NBAS: variants seen among roughly 807,000 people sequenced by gnomAD.
The protein encoded by NBAS is NAG/BC035112 fusion.
Under a neutral mutation model 302.5 loss-of-function variants are expected in NBAS, and 219 were observed. The ratio of observed to expected loss-of-function variants is 0.72; its 90% CI spans 0.65 to 0.81. NBAS has a LOEUF of 0.81. Among genes scored for constraint, NBAS ranks in the 30% least tolerant of loss-of-function variants. The pLI is 0.00. For missense variants in NBAS, 2,932 were observed against 2,841.6 expected, an observed-to-expected ratio of 1.03 and a Z score of -0.72; for synonymous variants, 1,118 against 1,021.6, an observed-to-expected ratio of 1.09 and a Z score of -1.80.
chr2:14,886,224 C>G, the NBAS span, among the ~76,000 whole-genome samples: 2 of 152,282 alleles, frequency 1.3e-5, no homozygotes, highest in Middle Eastern at 3.4e-3. Context: ...TCTTTCTGTC[C>G]TTGCCATCCC....
At chr2:15,509,473 A>G (rs1475591080) in intron 10 of NBAS, among the ~76,000 whole-genome samples, 1 of 152,222 alleles carries the variant, frequency 6.6e-6, no homozygotes. Flanking sequence ...GTCTGGTGCC[A>G]TATAAACCAG....
chr2:15,422,413 A>G (rs1156660809), intron 23 of NBAS, among the ~76,000 whole-genome samples: 1 of 152,208 alleles, frequency 6.6e-6, no homozygotes, highest in Non-Finnish European at 1.5e-5. Context: ...TGTATTGCTC[A>G]AATGCAGGAC....
At chr2:14,975,980 T>C in the NBAS span, among the ~76,000 whole-genome samples, 1 of 152,154 alleles carries the variant, frequency 6.6e-6, no homozygotes, top group African/African-American at 2.4e-5. Flanking sequence ...TCTCCCACTG[T>C]AAACAGCTAT....
chr2:15,445,022 G>T (rs369025178), intron 21 of NBAS, among the ~76,000 whole-genome samples: 51 of 150,520 alleles, frequency 3.4e-4, no homozygotes, highest in African/African-American at 9.0e-4. Flanking sequence ...CTGGAGAGGA[G>T]GTGGAGAAAT....
At position 15,332,373 on chromosome 2, in the gene NBAS, C is replaced by G. The variant is rs550440432; in HGVS notation, c.4180-1608G>C. On this transcript the variant is annotated intron_variant, in intron 35 of 51. Transcript: ENST00000281513. ...CTGCAAAGTTTGTGGTAATATACAA[C>G]AGCAGCAACAGAAAACAAATATATT... 2.6e-5 allele frequency among the ~76,000 whole-genome samples: 4 copies of G among 152,166 alleles called. No homozygotes were observed. The East Asian group carries it at 7.7e-4, about 29-fold the overall frequency.
the NBAS span, among the ~76,000 whole-genome samples, chr2:14,895,587 A>G: frequency 6.6e-6 from 1 of 152,084 alleles, no homozygotes; most frequent in Non-Finnish European, 1.5e-5. Flanking sequence ...AAATACAAAA[A>G]AATTAGCCGG....
the NBAS span, among the ~76,000 whole-genome samples, chr2:15,034,026 A>AGAAGAAGAAGAAGAAGAAGAAGAAGAG: frequency 6.0e-5 from 3 of 50,082 alleles, no homozygotes; most frequent in Non-Finnish European, 1.1e-4. Flanking sequence ...AAGAAGAAGA[A>AGAAGAAGAAGAAGAAGAAGAAGAAGAG]GAGGAGGAGG....
At chr2:15,136,387 G>A in the NBAS span, among the ~76,000 whole-genome samples, 12 of 152,148 alleles carry the variant, frequency 7.9e-5, no homozygotes, top group South Asian at 2.1e-4. Flanking sequence ...TGGGCCACAC[G>A]GTCTCTGTTG....
At chr2:15,355,590 G>T (rs1673574749) in intron 33 of NBAS, among the ~76,000 whole-genome samples, 1 of 152,120 alleles carries the variant, frequency 6.6e-6, no homozygotes, top group South Asian at 2.1e-4. Context: ...GGCCTTGGGG[G>T]AGGTGATTAG....
chr2:14,834,006 A>G, the NBAS span, among the ~76,000 whole-genome samples: 1 of 152,186 alleles, frequency 6.6e-6, no homozygotes, highest in South Asian at 2.1e-4. Flanking sequence ...TTCAGATTAG[A>G]GCTGTAAAAA....
chr2:14,983,890 T>C, the NBAS span, among the ~76,000 whole-genome samples: 1 of 152,154 alleles, frequency 6.6e-6, no homozygotes, highest in African/African-American at 2.4e-5. Flanking sequence ...TTTCCAGTGC[T>C]CCTGGCAACA....
chr2:15,088,080 T>C, the NBAS span, among the ~76,000 whole-genome samples: 3 of 152,300 alleles, frequency 2.0e-5, no homozygotes, highest in Admixed American at 6.5e-5. Flanking sequence ...AATGGGGCCC[T>C]GGAGGTACTC....
the NBAS span, among the ~76,000 whole-genome samples, chr2:14,821,561 C>T: frequency 6.6e-6 from 1 of 152,142 alleles, no homozygotes; most frequent in Non-Finnish European, 1.5e-5. Flanking sequence ...CGGACTAGAA[C>T]TCAGCCCTAA....
chr2:15,535,306 C>G lies in NBAS; in HGVS notation c.648-665G>C, dbSNP rs142886207. ...GGAGGCCGAGGCGGGCAGATCACAA[C>G]GTCAGGAGATCGAGACCATCCTGAC... is the stretch of plus-strand genomic sequence containing the variant. On this transcript the variant is annotated intron_variant, in intron 8 of 51. Transcript: ENST00000281513. Among the ~76,000 whole-genome samples the G allele has an allele frequency of 7.6e-3, 1,161 of 152,040 alleles. 15 individuals are homozygous for G. Among genetic ancestry groups the G allele is most frequent in the African/African-American group, 0.025 (1,040 of 41,474 alleles).
Position 15,374,638 on chromosome 2 carries a change from C to A in NBAS, c.3673G>T (p.Glu1225Ter). The stretch of plus-strand genomic sequence containing the variant: ...AAAGGCAGGATCTTTACCCCAAATT[C>A]TTCAAGACATCCAACGGCTTGGATA... ...DLIQAVGCLE[E>*]FGVKILPLQV... Residue 1225 changes from glutamate (E) to a stop codon, truncating the protein, a stop_gained, in exon 31 of 52, where the codon GAA becomes TAA. Coordinates refer to ENST00000281513, the MANE Select transcript of NBAS (RefSeq NM_015909.4). LOFTEE classifies it high-confidence loss of function. 1 of 1,613,966 alleles carries A rather than the reference C, an allele frequency of 6.2e-7. No individual in the cohort carries two copies. Among genetic ancestry groups the A allele is most frequent in the Non-Finnish European group, 8.5e-7 (1 of 1,179,852 alleles).
At chr2:14,846,511 A>G in the NBAS span, among the ~76,000 whole-genome samples, 1 of 139,742 alleles carries the variant, frequency 7.2e-6, no homozygotes, top group South Asian at 2.1e-4. Context: ...TGGTAATAGT[A>G]AGTACACAAA....
intron 47 of NBAS, among the ~76,000 whole-genome samples, chr2:15,228,612 G>A (rs1667243541): frequency 6.6e-6 from 1 of 152,162 alleles, no homozygotes; most frequent in Non-Finnish European, 1.5e-5. Context: ...AGATTAATGG[G>A]TGAAGAAAAT....
the NBAS span, among the ~76,000 whole-genome samples, chr2:15,007,703 C>T: frequency 2.0e-5 from 3 of 152,132 alleles, no homozygotes; most frequent in African/African-American, 7.2e-5. Context: ...CAAAAAAGAT[C>T]TCCATCCAAC....
chr2:15,126,563 G>A, the NBAS span, among the ~76,000 whole-genome samples: 1 of 152,174 alleles, frequency 6.6e-6, no homozygotes, highest in Admixed American at 6.5e-5. Flanking sequence ...CCTCACCCGA[G>A]GGGCAAGGGA....
Sources: allele counts gnomAD v4.1 joint callset (sites outside exome capture counted in the v4.1 genomes callset), GRCh38; gene constraint gnomAD v4.1.1; transcripts MANE v1.5; gene names NCBI Gene and HGNC (gene_info 2026-07-23, HGNC 2026-07-21).